The following LOXL2 variants were observed in gnomAD, a reference collection of about 807,000 sequenced individuals.
LOXL2 encodes lysyl oxidase homolog 2.
LOXL2 carries 70 observed loss-of-function variants against 93.0 expected under a neutral mutation model. That is an observed-to-expected ratio of 0.75 (90% CI 0.62 to 0.92). The LOEUF (loss-of-function observed/expected upper bound fraction) is 0.92. Among genes scored for constraint, LOXL2 ranks in the 40% least tolerant of loss-of-function variants. LOXL2 has a pLI of 0.00. For synonymous variants in LOXL2, 438 were observed against 413.2 expected (o/e 1.06, Z -0.73); for missense variants, 973 against 1,054.9 (o/e 0.92, Z 1.08).
chr8:23,373,515 T>G (rs1323750832), intron 1 of LOXL2, among the ~76,000 whole-genome samples: 2 of 152,166 alleles, frequency 1.3e-5, no homozygotes, highest in Non-Finnish European at 1.5e-5. Context: ...TTTGGGTTGC[T>G]TTTTAATTTT....
At chr8:23,375,131 A>G (rs559697982) in intron 1 of LOXL2, among the ~76,000 whole-genome samples, 20,132 of 151,588 alleles carry the variant, frequency 0.13, 2,500 homozygotes, top group African/African-American at 0.33. Flanking sequence ...TATAAGGTGT[A>G]ACGAAGGGAT....
At chr8:23,390,323 C>A (rs1036097433) in intron 1 of LOXL2, among the ~76,000 whole-genome samples, 5 of 152,134 alleles carry the variant, frequency 3.3e-5, no homozygotes, top group Non-Finnish European at 7.4e-5. Context: ...GCCATGGGAC[C>A]CTTTAGAACC....
intron 4 of LOXL2, among the ~76,000 whole-genome samples, chr8:23,338,422 G>C (rs1803830573): frequency 6.6e-6 from 1 of 152,010 alleles, no homozygotes; most frequent in African/African-American, 2.4e-5. Flanking sequence ...CAGCGGGGTG[G>C]GGGGGCCCAA....
chr8:23,297,983 G>C lies in LOXL2; in HGVS notation c.*60C>G. ...CATTCGTTCAGACTCAGTTGTTGGG[G>C]GGAAGTCCCATGGAAGATGTGGTGT... is the stretch of plus-strand genomic sequence containing the variant. On this transcript the variant is annotated 3_prime_UTR_variant, in exon 14 of 14. Coordinates refer to ENST00000389131, the MANE Select transcript of LOXL2 (RefSeq NM_002318.3). 4 of 1,425,662 alleles carry C rather than the reference G, an allele frequency of 2.8e-6. No individual in the cohort carries two copies. Among genetic ancestry groups the C allele is most frequent in the Non-Finnish European group, 3.9e-6 (4 of 1,016,414 alleles). The allele number at this position is 1,425,662 out of a possible 1,614,324, so 88.3% of individuals were successfully genotyped here.
At chr8:23,303,053 G>T (rs931535589) in intron 11 of LOXL2, among the ~76,000 whole-genome samples, 2 of 152,066 alleles carry the variant, frequency 1.3e-5, no homozygotes, top group Non-Finnish European at 2.9e-5. Context: ...CCTGTGGACC[G>T]ACCAGTGCCT....
chr8:23,338,544 T>C (rs11783393), intron 4 of LOXL2, among the ~76,000 whole-genome samples: 22,948 of 152,088 alleles, frequency 0.15, 1,835 homozygotes, highest in Admixed American at 0.18. Context: ...GGGAATTACT[T>C]TGAAAATAAT....
rs547543937 is a variant in LOXL2 at position 23,305,734 on chromosome 8, A to C, written c.1881-2337T>G. Reference sequence around the variant, plus strand: ...ACGCTAAGGGGAGAGAGAGCCTGACACTTGGCGGAGGTCACTGTGATCTGG... The same window carrying C: ...ACGCTAAGGGGAGAGAGAGCCTGACCCTTGGCGGAGGTCACTGTGATCTGG... On this transcript the variant is annotated intron_variant, in intron 10 of 13. Coordinates refer to ENST00000389131, the MANE Select transcript of LOXL2 (RefSeq NM_002318.3). Among the ~76,000 whole-genome samples, 5 of 152,178 alleles carry C rather than the reference A, an allele frequency of 3.3e-5. No individual in the cohort carries two copies. The South Asian group carries it at 1.0e-3, about 32-fold the overall frequency.
intron 3 of LOXL2, among the ~76,000 whole-genome samples, chr8:23,356,296 C>G (rs1035476618): frequency 6.6e-6 from 1 of 152,212 alleles, no homozygotes; most frequent in Non-Finnish European, 1.5e-5. Flanking sequence ...CCCAACTGCA[C>G]GTCCACAAGC....
intron 1 of LOXL2, among the ~76,000 whole-genome samples, chr8:23,396,790 T>G (rs1292185082): frequency 6.6e-6 from 1 of 152,234 alleles, no homozygotes; most frequent in African/African-American, 2.4e-5. Flanking sequence ...GAAACGTATT[T>G]GAAATCTCCT....
chr8:23,300,488 CCA>C (rs1408133992), intron 12 of LOXL2, among the ~76,000 whole-genome samples: 3 of 152,216 alleles, frequency 2.0e-5, no homozygotes, highest in Non-Finnish European at 4.4e-5. Flanking sequence ...CTTCACAGCA[CCA>C]CTGATGTCTG....
chr8:23,317,330 C>T (rs1468513652), intron 8 of LOXL2, among the ~76,000 whole-genome samples: 4 of 152,200 alleles, frequency 2.6e-5, no homozygotes. Flanking sequence ...TGGACTCTGT[C>T]ACTCTCTCCC....
intron 1 of LOXL2, among the ~76,000 whole-genome samples, chr8:23,396,998 T>C (rs1291901023): frequency 6.6e-6 from 1 of 152,188 alleles, no homozygotes; most frequent in African/African-American, 2.4e-5. Context: ...ATGTGGTCTA[T>C]CCATACAGTG....
chr8:23,403,078 G>A (rs771073933), intron 1 of LOXL2, among the ~76,000 whole-genome samples: 3 of 152,134 alleles, frequency 2.0e-5, no homozygotes, highest in Non-Finnish European at 4.4e-5. Context: ...TGATTCCTGG[G>A]ACACCTCGAG....
chr8:23,376,381 G>A (rs1804593141), intron 1 of LOXL2, among the ~76,000 whole-genome samples: 1 of 152,166 alleles, frequency 6.6e-6, no homozygotes, highest in Non-Finnish European at 1.5e-5. Flanking sequence ...ATTCATCAGG[G>A]ATATTGGTCT....
rs565317543 is a variant in LOXL2 at position 23,345,905 on chromosome 8, A to G, written c.532-4702T>C. 6.3e-4 allele frequency among the ~76,000 whole-genome samples: 96 copies of G among 151,630 alleles called. 1 individual carries two copies. The South Asian group carries it at 0.012, about 20-fold the overall frequency. On this transcript the variant is annotated intron_variant, in intron 3 of 13. Coordinates refer to ENST00000389131, the MANE Select transcript of LOXL2 (RefSeq NM_002318.3). ...AACACGGTGAAACCCTGTCTCTACT[A>G]AAAATACAAAAAATTAGCCAGGCAT...
chr8:23,402,028 GCA>G (rs1315820387), intron 1 of LOXL2, among the ~76,000 whole-genome samples: 3 of 152,218 alleles, frequency 2.0e-5, no homozygotes, highest in Admixed American at 1.3e-4. Context: ...ATACACACGT[GCA>G]CACATGCGTG....
Position 23,341,051 on chromosome 8 carries a change from G to A in LOXL2, c.684C>T (p.Arg228=), listed in dbSNP as rs371942132. Residue 228 remains arginine (R), a synonymous_variant, in exon 4 of 14, where the codon CGC becomes CGT. Coordinates refer to ENST00000389131, the MANE Select transcript of LOXL2 (RefSeq NM_002318.3). The part of the protein sequence containing the change: ...CDKHWTAKNS[R]VVCGMFGFPG... ...GGAAGCCAAACATGCCGCAGACCACGCGGGAATTCTTGGCCGTCCAGTGCT... is the reference window on the plus strand; with the variant it reads ...GGAAGCCAAACATGCCGCAGACCACACGGGAATTCTTGGCCGTCCAGTGCT... The A allele has an allele frequency of 3.9e-5, 63 of 1,614,020 alleles. No homozygotes were observed. The highest frequency in any genetic ancestry group is 3.3e-4 in the South Asian group (30 of 91,088).
intron 3 of LOXL2, among the ~76,000 whole-genome samples, chr8:23,344,134 C>T (rs773385872): frequency 1.3e-5 from 2 of 152,218 alleles, no homozygotes; most frequent in East Asian, 1.9e-4. Context: ...GCTACGCGGG[C>T]CTGAGGCCAG....
intron 1 of LOXL2, among the ~76,000 whole-genome samples, chr8:23,380,190 C>T (rs1375735340): frequency 2.0e-5 from 3 of 148,586 alleles, no homozygotes; most frequent in East Asian, 1.9e-4. Flanking sequence ...GTCAAGAGAT[C>T]GAGACCATCC....
Sources: gnomAD v4.1 joint callset for allele counts (sites outside exome capture counted in the v4.1 genomes callset) on GRCh38, gnomAD v4.1.1 for gene constraint, MANE v1.5 for transcripts, NCBI Gene and HGNC (gene_info 2026-07-23, HGNC 2026-07-21) for gene names.